Variants in PACSIN3 observed in about 807,000 individuals in gnomAD.
PACSIN3 encodes protein kinase C and casein kinase substrate in neurons 3, also known as protein kinase C and casein kinase substrate in neurons protein 3.
Under a neutral mutation model 56.1 loss-of-function variants are expected in PACSIN3, and 34 were observed. That is an observed-to-expected ratio of 0.61 (90% CI 0.46 to 0.81). The LOEUF is 0.81. PACSIN3 is among the 30% of genes least tolerant of loss of function. The pLI, the probability that PACSIN3 is intolerant of heterozygous loss-of-function variation, is 0.00. For synonymous variants in PACSIN3, 218 were observed against 229.8 expected, an observed-to-expected ratio of 0.95 and a Z score of 0.46; for missense variants, 535 against 592.4, an observed-to-expected ratio of 0.90 and a Z score of 1.01.
rs767266349 is a variant in PACSIN3, at chr11:47,178,356, C to T, written c.1159+10G>A. 12 of 1,613,236 alleles carry T rather than the reference C, an allele frequency of 7.4e-6. No individual in the cohort carries two copies. In the South Asian group the frequency reaches 9.9e-5, roughly 13 times the overall value. On this transcript the variant is annotated intron_variant, in intron 10 of 10. Coordinates refer to ENST00000298838, the MANE Select transcript of PACSIN3 (RefSeq NM_016223.5). The surrounding 1 kb of genome is among the most constrained non-coding windows in gnomAD (Gnocchi z 4.2). ...CAGAGGCTGAAGCTAGGAAAGGGGT[C>T]CCAGGGTACCTGCTCGGAAGCTCAG... is the stretch of plus-strand genomic sequence containing the variant.
rs1952906109 is a variant in PACSIN3 at position 47,177,677 on chromosome 11, G to A, written c.*254C>T. On this transcript the variant is annotated 3_prime_UTR_variant, in exon 11 of 11. Transcript: ENST00000298838. ...AGGAACTGAGTCCACAGCTCCTGGG[G>A]AGGCCCAGGCACCCCTGAACGCTTC... The A allele has an allele frequency of 1.9e-6, 1 of 526,076 alleles. No individual in the cohort carries two copies. The highest frequency in any genetic ancestry group is 1.9e-5 in the African/African-American group (1 of 51,986). 32.6% of individuals were successfully genotyped at this position (526,076 alleles called of 1,614,324 possible). A position where few individuals can be genotyped will look rare whatever the true frequency, so the allele number is the denominator to read the frequency against.
At position 47,182,657 on chromosome 11, in the gene PACSIN3, A is replaced by G. The variant is rs1953049980; in HGVS notation, c.54+17T>C. Reference sequence around the variant, plus strand: ...CTCCCCTAGACAAGTAGCTGAGCCCAGGACCCAGCTGCTCACCTCCCAGAA... The same window carrying G: ...CTCCCCTAGACAAGTAGCTGAGCCCGGGACCCAGCTGCTCACCTCCCAGAA... On this transcript the variant is annotated intron_variant, in intron 3 of 10. Coordinates refer to ENST00000298838, the MANE Select transcript of PACSIN3 (RefSeq NM_016223.5). 1.2e-6 allele frequency: 2 copies of G among 1,609,984 alleles called. No homozygotes were observed. The highest frequency in any genetic ancestry group is 1.3e-5 in the African/African-American group (1 of 74,834).
chr11:47,179,627 T>C lies in PACSIN3; in HGVS notation c.604-41A>G. The stretch of plus-strand genomic sequence containing the variant: ...GGGGCCTGGTGAGAACCAGACCTTC[T>C]TCCACCCAGGACTCCACCAGTGTTT... On this transcript the variant is annotated intron_variant, in intron 6 of 10. Coordinates refer to ENST00000298838, the MANE Select transcript of PACSIN3 (RefSeq NM_016223.5). The surrounding 1 kb of genome is among the most constrained non-coding windows in gnomAD (Gnocchi z 4.4). The C allele has an allele frequency of 6.3e-7, 1 of 1,593,458 alleles. No individual in the cohort carries two copies.
intron 1 of PACSIN3, among the ~76,000 whole-genome samples, chr11:47,184,925 TG>T (rs1234685153): frequency 3.3e-5 from 5 of 152,028 alleles, no homozygotes; most frequent in African/African-American, 1.2e-4. Flanking sequence ...TGTACCGGGC[TG>T]GCACAGCTCC....
intron 1 of PACSIN3, among the ~76,000 whole-genome samples, chr11:47,183,996 AAC>A (rs1480854153): frequency 6.6e-6 from 1 of 151,956 alleles, no homozygotes; most frequent in East Asian, 1.9e-4. Flanking sequence ...CCGCCTGGGC[AAC>A]AGAGTGAGAC....
In PACSIN3 at chr11:47,182,702, C is replaced by T. The variant is rs1199901033; in HGVS notation, c.26G>A (p.Gly9Glu). 1.2e-6 allele frequency: 2 copies of T among 1,612,830 alleles called. No individual in the cohort carries two copies. The highest frequency in any genetic ancestry group is 4.5e-5 in the East Asian group (2 of 44,872). The change falls in exon 3 of 11, where the codon GGG (glycine) becomes GAG (glutamate). Residue 9 changes from glycine to glutamate, a missense_variant. Physicochemically the swap from Gly to Glu is moderately conservative, Grantham distance 98 (BLOSUM62 -2). Transcript: ENST00000298838. MAPEEDAG[G>E]EALGGSFWEA... Reference sequence around the variant, plus strand: ...CCAGAAACTGCCCCCTAAGGCCTCCCCTCCAGCGTCCTCTTCTGGAGCCAT... The same window carrying T: ...CCAGAAACTGCCCCCTAAGGCCTCCTCTCCAGCGTCCTCTTCTGGAGCCAT...
At position 47,178,118 on chromosome 11, in the gene PACSIN3, TGA is replaced by T; in HGVS notation, c.1160-74_1160-73del. ...CTGTTCCTGCAACTGGGTCAAGGAC[TGA>T]GGGGGATGGTGTGGTCCCAGAGCCC... On this transcript the variant is annotated intron_variant, in intron 10 of 10. Coordinates refer to ENST00000298838, the MANE Select transcript of PACSIN3 (RefSeq NM_016223.5). This position sits in a 1 kb window ranked among gnomAD's most constrained non-coding sequence, Gnocchi z 4.2. The T allele has an allele frequency of 6.6e-6, 9 of 1,370,246 alleles. No homozygotes were observed. The highest frequency in any genetic ancestry group is 9.2e-6 in the Non-Finnish European group (9 of 977,076). 84.9% of individuals were successfully genotyped at this position (1,370,246 alleles called of 1,614,324 possible).
rs778001125 is a variant in PACSIN3 at position 47,178,438 on chromosome 11, C to G, written c.1087G>C (p.Ala363Pro). The G allele has an allele frequency of 1.3e-5, 21 of 1,613,966 alleles. No homozygotes were observed. The East Asian group carries it at 4.5e-4, about 34-fold the overall frequency. Residue 363 changes from alanine to proline, a missense_variant, in exon 10 of 11, where the codon GCC becomes CCC. By Grantham distance (27) the Ala-to-Pro change is conservative (BLOSUM62 -1). Transcript: ENST00000298838. The surrounding 1 kb of genome is among the most constrained non-coding windows in gnomAD (Gnocchi z 4.2). ...AGTGCCCTCACCCGAACCCCGGTGG[C>G]AGCCTTCCGGGGACTCTCTTCATCT... ...WSDEESPRKAATGVRVRALYD... is the reference protein window; with the variant it reads ...WSDEESPRKAPTGVRVRALYD...
chr11:47,178,939 G>A lies in PACSIN3; in HGVS notation c.992C>T (p.Thr331Ile), dbSNP rs555994456. 1.2e-4 allele frequency: 201 copies of A among 1,614,062 alleles called. 3 individuals carry two copies. The South Asian group carries it at 2.2e-3, about 17-fold the overall frequency. Reference sequence around the variant, plus strand: ...GGGTGGGGGTGCGGTGCCATCTCTTGTAGGCACAATGCTGGTCAGGGTAAC... The same window carrying A: ...GGGTGGGGGTGCGGTGCCATCTCTTATAGGCACAATGCTGGTCAGGGTAAC... Reference protein sequence around the residue: ...DEVTLTSIVPTRDGTAPPPQS... With the variant: ...DEVTLTSIVPIRDGTAPPPQS... Residue 331 changes from threonine to isoleucine, a missense_variant, in exon 9 of 11, where the codon ACA becomes ATA. Transcript: ENST00000298838. This position sits in a 1 kb window ranked among gnomAD's most constrained non-coding sequence, Gnocchi z 4.2.
In PACSIN3 at chr11:47,177,738, G is replaced by C. The variant is rs1395894074; in HGVS notation, c.*193C>G. 2 of 609,402 alleles carry C rather than the reference G, an allele frequency of 3.3e-6. No individual in the cohort carries two copies. Among genetic ancestry groups the C allele is most frequent in the Non-Finnish European group, 5.8e-6 (2 of 345,228 alleles). 37.7% of individuals were successfully genotyped at this position (609,402 alleles called of 1,614,324 possible). On this transcript the variant is annotated 3_prime_UTR_variant, in exon 11 of 11. Coordinates refer to ENST00000298838, the MANE Select transcript of PACSIN3 (RefSeq NM_016223.5). ...GACCTCCCATCTTGCCCTCAGCCTA[G>C]ACTCGTCCCTTCCCTACCAGTCCCT... is the stretch of plus-strand genomic sequence containing the variant.
At position 47,178,088 on chromosome 11, in the gene PACSIN3, A is replaced by G; in HGVS notation, c.1160-42T>C. ...TGGTCACTGCCAGTGGCCCTGGCCCAGGCCCTGTTCCTGCAACTGGGTCAA... is the reference window on the plus strand; with the variant it reads ...TGGTCACTGCCAGTGGCCCTGGCCCGGGCCCTGTTCCTGCAACTGGGTCAA... On this transcript the variant is annotated intron_variant, in intron 10 of 10. Transcript: ENST00000298838. This position sits in a 1 kb window ranked among gnomAD's most constrained non-coding sequence, Gnocchi z 4.2. 6.5e-7 allele frequency: 1 copy of G among 1,542,208 alleles called. No homozygotes were observed. Among genetic ancestry groups the G allele is most frequent in the Non-Finnish European group, 8.9e-7 (1 of 1,120,730 alleles).
rs1320433611 is a variant in PACSIN3 at position 47,177,838 on chromosome 11, G to A, written c.*93C>T. On this transcript the variant is annotated 3_prime_UTR_variant, in exon 11 of 11. Transcript: ENST00000298838. The stretch of plus-strand genomic sequence containing the variant: ...CAAGGGACAGAGGAGCAGCCAGAGA[G>A]CGACGGTTCAGGGCCCTGAGGGTCC... The A allele has an allele frequency of 2.1e-6, 2 of 952,470 alleles. No individual in the cohort carries two copies. Among genetic ancestry groups the A allele is most frequent in the African/African-American group, 1.6e-5 (1 of 61,646 alleles). The allele number at this position is 952,470 out of a possible 1,614,324, so 59.0% of individuals were successfully genotyped here.
In PACSIN3 at chr11:47,177,726, GC is replaced by G; in HGVS notation, c.*204del. 1.7e-6 allele frequency: 1 copy of G among 581,840 alleles called. No individual in the cohort carries two copies. The highest frequency in any genetic ancestry group is 3.0e-6 in the Non-Finnish European group (1 of 328,896). 36.0% of individuals were successfully genotyped at this position (581,840 alleles called of 1,614,324 possible). A position where few individuals can be genotyped will look rare whatever the true frequency, so the allele number is the denominator to read the frequency against. ...TCTGTCACCTCTGACCTCCCATCTT[GC>G]CCTCAGCCTAGACTCGTCCCTTCCC... On this transcript the variant is annotated 3_prime_UTR_variant, in exon 11 of 11. Coordinates refer to ENST00000298838, the MANE Select transcript of PACSIN3 (RefSeq NM_016223.5).
At position 47,179,266 on chromosome 11, in the gene PACSIN3, G is replaced by A; in HGVS notation, c.793C>T (p.His265Tyr). The part of the protein sequence containing the change: ...LSSSEKFHEL[H>Y]RDLHQGIEAA... Reference sequence around the variant, plus strand: ...TCAATGCCCTGGTGCAAGTCACGGTGGAGTTCATGGAACCTATGACCCAAG... The same window carrying A: ...TCAATGCCCTGGTGCAAGTCACGGTAGAGTTCATGGAACCTATGACCCAAG... The change falls in exon 8 of 11, where the codon CAC (histidine) becomes TAC (tyrosine). Residue 265 changes from histidine to tyrosine, a missense_variant. Physicochemically the swap from His to Tyr is moderately conservative, Grantham distance 83. Coordinates refer to ENST00000298838, the MANE Select transcript of PACSIN3 (RefSeq NM_016223.5). This position sits in a 1 kb window ranked among gnomAD's most constrained non-coding sequence, Gnocchi z 4.4. The A allele has an allele frequency of 1.2e-6, 2 of 1,614,024 alleles. No homozygotes were observed. The highest frequency in any genetic ancestry group is 8.5e-7 in the Non-Finnish European group (1 of 1,180,016).
chr11:47,177,717 T>TC lies in PACSIN3; in HGVS notation c.*213dup, dbSNP rs549214019. The TC allele has an allele frequency of 2.0e-3, 1,134 of 574,604 alleles. 7 individuals carry two copies. Among genetic ancestry groups the TC allele is most frequent in the Middle Eastern group, 3.2e-3 (7 of 2,190 alleles). 35.6% of individuals were successfully genotyped at this position (574,604 alleles called of 1,614,324 possible). A position where few individuals can be genotyped will look rare whatever the true frequency, so the allele number is the denominator to read the frequency against. ...CTGAACGCTTCTGTCACCTCTGACC[T>TC]CCCATCTTGCCCTCAGCCTAGACTC... On this transcript the variant is annotated 3_prime_UTR_variant, in exon 11 of 11. Transcript: ENST00000298838.
chr11:47,182,363 C>G (rs1427804234), intron 4 of PACSIN3, 40 bp downstream of exon 4: 1 of 1,562,736 alleles, frequency 6.4e-7, no homozygotes, highest in African/African-American at 1.3e-5. Flanking sequence ...GACAGTCCTG[C>G]ACTCAGCTGC....
rs1952958810 is a variant in PACSIN3 at position 47,178,999 on chromosome 11, C to T, written c.932G>A (p.Ser311Asn). The change falls in exon 9 of 11, where the codon AGC (serine) becomes AAC (asparagine). Residue 311 changes from serine (S) to asparagine (N), a missense_variant. Coordinates refer to ENST00000298838, the MANE Select transcript of PACSIN3 (RefSeq NM_016223.5). This position sits in a 1 kb window ranked among gnomAD's most constrained non-coding sequence, Gnocchi z 4.2. Reference sequence around the variant, plus strand: ...GCTCCGGCCACCCTTCTCTTTCCGGCTGATTGTCCTCTGTGTGTCCAAGGA... The same window carrying T: ...GCTCCGGCCACCCTTCTCTTTCCGGTTGATTGTCCTCTGTGTGTCCAAGGA... ...EWSLDTQRTI[S>N]RKEKGGRSPD... The T allele has an allele frequency of 1.9e-6, 3 of 1,614,142 alleles. No homozygotes were observed. The highest frequency in any genetic ancestry group is 4.5e-5 in the East Asian group (2 of 44,876).
chr11:47,180,394 C>G, intron 5 of PACSIN3, 53 bp from the exon 6 acceptor site: 1 of 1,598,100 alleles, frequency 6.3e-7, no homozygotes, highest in Non-Finnish European at 8.5e-7. Flanking sequence ...TTGGCCCCCT[C>G]GATCCCTTGC....
rs374790048 is a variant in PACSIN3, at chr11:47,182,703, C to G, written c.25G>C (p.Gly9Arg). ...CAGAAACTGCCCCCTAAGGCCTCCCCTCCAGCGTCCTCTTCTGGAGCCATG... is the reference window on the plus strand; with the variant it reads ...CAGAAACTGCCCCCTAAGGCCTCCCGTCCAGCGTCCTCTTCTGGAGCCATG... MAPEEDAGGEALGGSFWEA... is the reference protein window; with the variant it reads MAPEEDAGREALGGSFWEA... The change falls in exon 3 of 11, where the codon GGG becomes CGG. Residue 9 changes from glycine (G) to arginine (R), a missense_variant. Transcript: ENST00000298838. 2.5e-5 allele frequency: 40 copies of G among 1,612,760 alleles called. No individual in the cohort carries two copies. The highest frequency in any genetic ancestry group is 4.0e-5 in the African/African-American group (3 of 74,890).
Sources: gnomAD v4.1 joint callset for allele counts (sites outside exome capture counted in the v4.1 genomes callset) on GRCh38, gnomAD v4.1.1 for gene constraint, Gnocchi (gnomAD v3.1) non-coding constraint, MANE v1.5 for transcripts, NCBI Gene and HGNC (gene_info 2026-07-23, HGNC 2026-07-21) for gene names.